The following RYR3 variants were observed in gnomAD, a reference collection of about 807,000 sequenced individuals.
The protein encoded by RYR3 is ryanodine receptor 3.
Under a neutral mutation model 584.3 loss-of-function variants are expected in RYR3, and 207 were observed. The ratio of observed to expected loss-of-function variants is 0.35; its 90% CI spans 0.32 to 0.40. RYR3 has a LOEUF of 0.40. Among genes scored for constraint, RYR3 ranks in the 10% least tolerant of loss-of-function variants. The pLI is 1.00. For synonymous variants in RYR3, 2,416 were observed against 2,248.5 expected (o/e 1.07, Z -2.11); for missense variants, 5,616 against 6,089.2 (o/e 0.92, Z 2.59).
rs568286207 is a variant in RYR3 at position 33,512,782 on chromosome 15, G to A, written c.279+9044G>A. Among the ~76,000 whole-genome samples, 64 of 152,258 alleles carry A rather than the reference G, an allele frequency of 4.2e-4. No homozygotes were observed. The South Asian group carries it at 7.9e-3, about 19-fold the overall frequency. ...AATATATTTGTTGGTGGTGGTGGTTGTTTCTATATTTTAATTGCAAAAAAA... is the reference window on the plus strand; with the variant it reads ...AATATATTTGTTGGTGGTGGTGGTTATTTCTATATTTTAATTGCAAAAAAA... On this transcript the variant is annotated intron_variant, in intron 3 of 103. Coordinates refer to ENST00000634891, the MANE Select transcript of RYR3 (RefSeq NM_001036.6).
intron 1 of RYR3, among the ~76,000 whole-genome samples, chr15:33,342,571 C>G (rs1328091340): frequency 1.3e-5 from 2 of 151,988 alleles, no homozygotes; most frequent in African/African-American, 4.8e-5. Context: ...GAAAATGGGT[C>G]TCTAGTTTCA....
intron 1 of RYR3, among the ~76,000 whole-genome samples, chr15:33,471,311 G>GCCCCA (rs1323741785): frequency 1.3e-5 from 2 of 152,158 alleles, no homozygotes; most frequent in African/African-American, 4.8e-5. Context: ...TGTCACCAGA[G>GCCCCA]CCCCAACCTA....
Position 33,646,417 on chromosome 15 carries a change from A to T in RYR3, c.3832A>T (p.Thr1278Ser), listed in dbSNP as rs1398169717. 6.2e-7 allele frequency: 1 copy of T among 1,613,938 alleles called. No homozygotes were observed. Among genetic ancestry groups the T allele is most frequent in the South Asian group, 1.1e-5 (1 of 91,056 alleles). ...CAAGGTGACGCATAAGACATTTGGC[A>T]CACAGAATAGCAATGCCGACATGAT... ...CLKVTHKTFG[T>S]QNSNADMIYC... The change falls in exon 29 of 104, where the codon ACA (threonine) becomes TCA (serine). Residue 1278 changes from threonine (T) to serine (S), a missense_variant. Transcript: ENST00000634891.
At chr15:33,813,112 C>A (rs1278634646) in intron 73 of RYR3, 118 bp downstream of exon 73, 6 of 1,314,340 alleles carry the variant, frequency 4.6e-6, no homozygotes, top group East Asian at 4.7e-5. Context: ...AAACAAGGAC[C>A]AAGGATCATC....
At chr15:33,593,639 G>A (rs1194372595) in intron 16 of RYR3, among the ~76,000 whole-genome samples, 1 of 152,260 alleles carries the variant, frequency 6.6e-6, no homozygotes, top group Middle Eastern at 3.4e-3. Flanking sequence ...TTAGTTTTCA[G>A]TGACTCCAAA....
At chr15:33,691,751 T>A (rs1596179749) in intron 38 of RYR3, among the ~76,000 whole-genome samples, 1 of 152,356 alleles carries the variant, frequency 6.6e-6, no homozygotes, top group East Asian at 1.9e-4. Context: ...CGAGAGTTTA[T>A]GATTAATAAA....
chr15:33,827,242 C>T lies in RYR3; in HGVS notation c.11289C>T (p.Thr3763=), dbSNP rs138744371. 6.4e-3 allele frequency: 9,982 copies of T among 1,552,718 alleles called. 45 individuals carry two copies. The highest frequency in any genetic ancestry group is 7.9e-3 in the Non-Finnish European group (9,017 of 1,147,648). The change falls in exon 85 of 104, where the codon ACC becomes ACT. Residue 3763 remains threonine (T), a synonymous_variant. Transcript: ENST00000634891. ...FLRTQMGNTT[T]VNVIISTVDY... ...GGACTCAGATGGGCAACACCACCAC[C>T]GTGAATGTCATCATCAGCACTGTGG...
At chr15:33,567,930 T>C (rs1186137353) in intron 12 of RYR3, among the ~76,000 whole-genome samples, 4 of 152,200 alleles carry the variant, frequency 2.6e-5, no homozygotes, top group Non-Finnish European at 5.9e-5. Context: ...TTTAATACCC[T>C]GATGCCCAGG....
intron 27 of RYR3, among the ~76,000 whole-genome samples, chr15:33,637,860 G>C (rs981732642): frequency 2.8e-4 from 42 of 151,886 alleles, no homozygotes; most frequent in African/African-American, 9.9e-4. Context: ...GTGCAGGTTT[G>C]TTACATATGT....
intron 42 of RYR3, among the ~76,000 whole-genome samples, chr15:33,702,762 G>A (rs1246453562): frequency 6.6e-6 from 1 of 152,088 alleles, no homozygotes; most frequent in Non-Finnish European, 1.5e-5. Context: ...CCAGAGCCCT[G>A]AGGACCACCA....
rs149555161 is a variant in RYR3 at position 33,326,648 on chromosome 15, A to G, written c.51+15552A>G. ...TGATCGTAAAGCAATACTCAGCAGTATAAAAGTATGTGACATGTTCAGGGA... is the reference window on the plus strand; with the variant it reads ...TGATCGTAAAGCAATACTCAGCAGTGTAAAAGTATGTGACATGTTCAGGGA... On this transcript the variant is annotated intron_variant, in intron 1 of 103. Coordinates refer to ENST00000634891, the MANE Select transcript of RYR3 (RefSeq NM_001036.6). 3.4e-3 allele frequency among the ~76,000 whole-genome samples: 519 copies of G among 152,320 alleles called. 3 individuals are homozygous for G. The highest frequency in any genetic ancestry group is 0.012 in the African/African-American group (492 of 41,570).
intron 97 of RYR3, 26 bp downstream of exon 97, chr15:33,854,475 A>AATTCTATACCCCAGTTC (rs1348588076): frequency 6.5e-7 from 1 of 1,537,130 alleles, no homozygotes; most frequent in East Asian, 2.4e-5. Flanking sequence ...GGAAAAACAA[A>AATTCTATACCCCAGTTC]ATTCTATACC....
chr15:33,411,690 C>CCA (rs2043421484), intron 1 of RYR3, among the ~76,000 whole-genome samples: 4 of 152,150 alleles, frequency 2.6e-5, no homozygotes. Flanking sequence ...TCCTGACTGC[C>CCA]CACACACAAA....
At chr15:33,356,319 G>A (rs936080368) in intron 1 of RYR3, among the ~76,000 whole-genome samples, 1 of 152,126 alleles carries the variant, frequency 6.6e-6, no homozygotes, top group Admixed American at 6.5e-5. Flanking sequence ...GAAGTATGCT[G>A]GTGTGCTTTG....
At chr15:33,800,916 A>C (rs2075884620) in intron 68 of RYR3, 59 bp downstream of exon 68, 3 of 1,236,066 alleles carry the variant, frequency 2.4e-6, no homozygotes, top group Non-Finnish European at 2.4e-6. Flanking sequence ...GACCGTGGAA[A>C]ACTGTTGATG....
intron 1 of RYR3, among the ~76,000 whole-genome samples, chr15:33,403,273 CT>C (rs1463245267): frequency 2.6e-5 from 4 of 152,150 alleles, no homozygotes; most frequent in Admixed American, 6.5e-5. Flanking sequence ...TACTCTTATT[CT>C]TTTTAAACTC....
In RYR3 at chr15:33,662,279, C is replaced by T. The variant is rs746689338; in HGVS notation, c.4749C>T (p.His1583=). ...GCGTGGCCTACGCCCTGTGCAGCCA[C>T]GTGGACCTCTCCCAGCTCTTCTATG... ...NSRVAYALCS[H]VDLSQLFYAI... Residue 1583 remains histidine (H), a synonymous_variant, in exon 35 of 104, where the codon CAC becomes CAT. Transcript: ENST00000634891. The T allele has an allele frequency of 4.1e-5, 66 of 1,610,886 alleles. No homozygotes were observed. The highest frequency in any genetic ancestry group is 5.3e-5 in the Non-Finnish European group (63 of 1,178,794).
chr15:33,739,066 C>T (rs1020278506), intron 50 of RYR3, among the ~76,000 whole-genome samples: 21 of 152,168 alleles, frequency 1.4e-4, no homozygotes, highest in Admixed American at 9.8e-4. Context: ...GAGGAGGCTT[C>T]GAGTGAGAAC....
intron 78 of RYR3, 37 bp from the exon 79 acceptor site, chr15:33,821,233 G>A (rs2077087283): frequency 6.6e-7 from 1 of 1,509,944 alleles, no homozygotes; most frequent in South Asian, 1.2e-5. Flanking sequence ...GTGCTGGGTA[G>A]GAACCAATCT....
Sources: gnomAD v4.1 joint callset for allele counts (sites outside exome capture counted in the v4.1 genomes callset) on GRCh38, gnomAD v4.1.1 for gene constraint, MANE v1.5 for transcripts, NCBI Gene and HGNC (gene_info 2026-07-23, HGNC 2026-07-21) for gene names.